The following CDH6 variants were observed in gnomAD, a reference collection of about 807,000 sequenced individuals.
CDH6 encodes cadherin 6.
In CDH6, 31 loss-of-function variants were observed where a neutral mutation model predicts 78.0. The observed-to-expected ratio is 0.40, with a 90% CI of 0.30 to 0.54. The LOEUF (loss-of-function observed/expected upper bound fraction) is 0.54, where lower values mean the gene tolerates loss of function less well. CDH6 is among the 20% of genes least tolerant of loss of function. CDH6 has a pLI of 0.56. For synonymous variants in CDH6, 376 were observed against 368.8 expected (o/e 1.02, Z -0.23); for missense variants, 724 against 975.9 (o/e 0.74, Z 3.44).
At chr5:31,257,264 G>A (rs371075888) in intron 1 of CDH6, among the ~76,000 whole-genome samples, 1 of 152,140 alleles carries the variant, frequency 6.6e-6, no homozygotes, top group African/African-American at 2.4e-5. Context: ...CCGGGTTCAC[G>A]CCATTCTCCT....
At chr5:31,306,147 A>G (rs1334445385) in intron 7 of CDH6, among the ~76,000 whole-genome samples, 2 of 152,220 alleles carry the variant, frequency 1.3e-5, no homozygotes, top group Non-Finnish European at 2.9e-5. Context: ...TTTCAAGTGT[A>G]GAAAAACCTA....
At chr5:31,207,831 T>C (rs1740576462) in intron 1 of CDH6, among the ~76,000 whole-genome samples, 1 of 152,186 alleles carries the variant, frequency 6.6e-6, no homozygotes, top group Non-Finnish European at 1.5e-5. Context: ...GCAAGAAGAT[T>C]GGGGCCAGCC....
rs1202836661 is a variant in CDH6, at chr5:31,327,385, G to A, written c.*4077G>A. On this transcript the variant is annotated 3_prime_UTR_variant, in exon 12 of 12. Transcript: ENST00000265071. ...AGCAGTGTAATTACTCTGGAAGAAG[G>A]CTCTAAAAAGTCATGATTCCCCCAC... 1 of 192,112 alleles carries A rather than the reference G, an allele frequency of 5.2e-6. No individual in the cohort carries two copies. The highest frequency in any genetic ancestry group is 1.9e-4 in the South Asian group (1 of 5,160). 11.9% of individuals were successfully genotyped at this position (192,112 alleles called of 1,614,324 possible). A position where few individuals can be genotyped will look rare whatever the true frequency, so the allele number is the denominator to read the frequency against.
At chr5:31,218,292 T>G (rs1273516051) in intron 1 of CDH6, among the ~76,000 whole-genome samples, 2 of 152,170 alleles carry the variant, frequency 1.3e-5, no homozygotes, top group African/African-American at 4.8e-5. Context: ...TTTAAAATTA[T>G]AGCCAAAAGA....
At position 31,267,504 on chromosome 5, in the gene CDH6, T is replaced by A. The variant is rs1579865900; in HGVS notation, c.31T>A (p.Phe11Ile). The change falls in exon 2 of 12, where the codon TTT (phenylalanine) becomes ATT (isoleucine). Residue 11 changes from phenylalanine to isoleucine, a missense_variant. Phe to Ile is a conservative substitution (Grantham distance 21). This residue lies in a region of CDH6 where 58 missense variants were observed against 50.8 expected (regional missense o/e 1.14). Transcript: ENST00000265071. ...AACTTACCGCTACTTCTTGCTGCTCTTTTGGGTGGGCCAGCCCTACCCAAC... is the reference window on the plus strand; with the variant it reads ...AACTTACCGCTACTTCTTGCTGCTCATTTGGGTGGGCCAGCCCTACCCAAC... MRTYRYFLLL[F>I]WVGQPYPTLS... The A allele has an allele frequency of 8.1e-6, 13 of 1,614,060 alleles. No individual in the cohort carries two copies. The East Asian group carries it at 2.9e-4, about 36-fold the overall frequency.
chr5:31,302,962 A>G (rs1334381364), intron 6 of CDH6, among the ~76,000 whole-genome samples: 53 of 123,822 alleles, frequency 4.3e-4, no homozygotes, highest in African/African-American at 1.4e-3. Flanking sequence ...AAAGAAGGAA[A>G]GAAAAGAAAG....
intron 2 of CDH6, among the ~76,000 whole-genome samples, chr5:31,284,239 A>C (rs147347416): frequency 6.6e-6 from 1 of 152,222 alleles, no homozygotes; most frequent in Non-Finnish European, 1.5e-5. Context: ...ATGCTCTGGC[A>C]TGTAGGTCAT....
intron 1 of CDH6, among the ~76,000 whole-genome samples, chr5:31,247,307 C>T (rs72749666): frequency 0.051 from 7,776 of 152,286 alleles, 290 homozygotes; most frequent in Non-Finnish European, 0.075. Flanking sequence ...ATGGTCACTC[C>T]TCAGTTTAGA....
intron 1 of CDH6, among the ~76,000 whole-genome samples, chr5:31,205,846 T>C (rs1383863164): frequency 1.3e-5 from 2 of 152,204 alleles, no homozygotes; most frequent in Non-Finnish European, 2.9e-5. Flanking sequence ...AGTAGAATAA[T>C]AAAACCTAAC....
chr5:31,276,564 C>T (rs1742700010), intron 2 of CDH6, among the ~76,000 whole-genome samples: 1 of 152,066 alleles, frequency 6.6e-6, no homozygotes, highest in Non-Finnish European at 1.5e-5. Flanking sequence ...GATTTAATGC[C>T]CACTAGAGGG....
At chr5:31,222,966 T>C (rs776709450) in intron 1 of CDH6, among the ~76,000 whole-genome samples, 7 of 152,110 alleles carry the variant, frequency 4.6e-5, no homozygotes, top group Admixed American at 1.3e-4. Context: ...TCTTTTGCAA[T>C]ACCAACTCTC....
chr5:31,271,330 AC>A (rs1742524289), intron 2 of CDH6, among the ~76,000 whole-genome samples: 1 of 152,128 alleles, frequency 6.6e-6, no homozygotes, highest in Non-Finnish European at 1.5e-5. Context: ...GGTGGGGTTC[AC>A]AACAGCCAAT....
chr5:31,216,683 C>CAAAAAAAAAAAAAAAAAAAAAAAAAAAA (rs70953498), intron 1 of CDH6, among the ~76,000 whole-genome samples: 1 of 132,654 alleles, frequency 7.5e-6, no homozygotes, highest in Non-Finnish European at 1.6e-5. Context: ...GCCCTGCCAC[C>CAAAAAAAAAAAAAAAAAAAAAAAAAAAA]AAAAAAAAAA....
intron 2 of CDH6, among the ~76,000 whole-genome samples, chr5:31,290,567 C>G (rs1348245085): frequency 6.6e-6 from 1 of 152,136 alleles, no homozygotes; most frequent in African/African-American, 2.4e-5. Context: ...GATGACATCA[C>G]AAAAGAAAAA....
At chr5:31,227,515 T>C (rs56047065) in intron 1 of CDH6, among the ~76,000 whole-genome samples, 15,446 of 152,124 alleles carry the variant, frequency 0.1, 935 homozygotes, top group South Asian at 0.24. Flanking sequence ...ATTTCCTGGC[T>C]TTTTCCCAGC....
intron 1 of CDH6, among the ~76,000 whole-genome samples, chr5:31,230,781 T>A (rs1741291857): frequency 6.6e-6 from 1 of 152,130 alleles, no homozygotes; most frequent in Admixed American, 6.6e-5. Flanking sequence ...AAATTAGAGA[T>A]GTATACAAAA....
At chr5:31,276,636 T>C (rs1742702906) in intron 2 of CDH6, among the ~76,000 whole-genome samples, 1 of 152,154 alleles carries the variant, frequency 6.6e-6, no homozygotes, top group Non-Finnish European at 1.5e-5. Context: ...CTTTTTGGAA[T>C]AGATTTGGAG....
intron 1 of CDH6, among the ~76,000 whole-genome samples, chr5:31,196,522 A>G (rs1740171913): frequency 2.0e-5 from 3 of 152,176 alleles, no homozygotes; most frequent in Admixed American, 2.0e-4. Context: ...GAACTATTCA[A>G]ACTTTTTTTA....
chr5:31,263,608 C>A lies in CDH6; in HGVS notation c.-128-3738C>A, dbSNP rs562104130. On this transcript the variant is annotated intron_variant, in intron 1 of 11. Coordinates refer to ENST00000265071, the MANE Select transcript of CDH6 (RefSeq NM_004932.4). The stretch of plus-strand genomic sequence containing the variant: ...TCTCTTCCTCTTCTTATAAAGCCAC[C>A]ACTCCCACTCTCATGATAACCCATT... 6.6e-5 allele frequency among the ~76,000 whole-genome samples: 10 copies of A among 151,920 alleles called. No homozygotes were observed. The South Asian group carries it at 2.1e-3, about 32-fold the overall frequency.
Sources: allele counts gnomAD v4.1 joint callset (sites outside exome capture counted in the v4.1 genomes callset), GRCh38; gene constraint gnomAD v4.1.1; regional missense constraint gnomAD v4.1.1; transcripts MANE v1.5; gene names NCBI Gene and HGNC (gene_info 2026-07-23, HGNC 2026-07-21).